EYA2: variants seen among roughly 807,000 people sequenced by gnomAD.
EYA2 encodes the protein protein phosphatase EYA2.
In EYA2, 31 loss-of-function variants were observed where a neutral mutation model predicts 69.2. The ratio of observed to expected loss-of-function variants is 0.45; its 90% CI spans 0.34 to 0.60. The LOEUF (loss-of-function observed/expected upper bound fraction) is 0.60, where lower values mean the gene tolerates loss of function less well. Among genes scored for constraint, EYA2 ranks in the 20% least tolerant of loss-of-function variants. EYA2 has a pLI of 0.02. For synonymous variants in EYA2, 257 were observed against 279.4 expected (o/e 0.92, Z 0.80); for missense variants, 622 against 701.2 (o/e 0.89, Z 1.28).
chr20:46,982,733 G>A (rs1229532271), intron 1 of EYA2, among the ~76,000 whole-genome samples: 1 of 147,472 alleles, frequency 6.8e-6, no homozygotes, highest in Non-Finnish European at 1.5e-5. Context: ...GATCTATTGA[G>A]TTCTTAATTT....
chr20:47,156,085 T>TAC (rs1320084095), intron 10 of EYA2, among the ~76,000 whole-genome samples: 9 of 28,774 alleles, frequency 3.1e-4, no homozygotes, highest in Non-Finnish European at 4.9e-4. Context: ...CACATATATA[T>TAC]ACATACACAC....
intron 1 of EYA2, among the ~76,000 whole-genome samples, chr20:46,988,765 G>A (rs562406359): frequency 6.6e-6 from 1 of 152,174 alleles, no homozygotes; most frequent in Non-Finnish European, 1.5e-5. Flanking sequence ...GCAGTGGCAC[G>A]ATTAGAGCTC....
chr20:47,071,874 G>A (rs886301792), intron 5 of EYA2: 18 of 327,572 alleles, frequency 5.5e-5, no homozygotes, highest in Middle Eastern at 8.7e-4. Context: ...CATGCCATCC[G>A]GACAGAGGAA....
At chr20:46,895,558 C>T (rs1307343387) in intron 1 of EYA2, among the ~76,000 whole-genome samples, 1 of 152,188 alleles carries the variant, frequency 6.6e-6, no homozygotes, top group East Asian at 1.9e-4. Flanking sequence ...GGGCTTTGAA[C>T]CGGGGCAGGG....
chr20:46,931,834 C>T (rs1384066260), intron 1 of EYA2, among the ~76,000 whole-genome samples: 1 of 152,064 alleles, frequency 6.6e-6, no homozygotes, highest in Non-Finnish European at 1.5e-5. Context: ...AGAGGAGAAG[C>T]CGTCCAAGCT....
Position 46,929,126 on chromosome 20 carries a change from T to C in EYA2, c.-11+34139T>C, listed in dbSNP as rs369543439. On this transcript the variant is annotated intron_variant, in intron 1 of 15. Coordinates refer to ENST00000327619, the MANE Select transcript of EYA2 (RefSeq NM_005244.5). ...GTGGGGTGGGAGAGCCCTGGAGACGTGCTTTGCCATCACAAATAAGTTGTG... is the reference window on the plus strand; with the variant it reads ...GTGGGGTGGGAGAGCCCTGGAGACGCGCTTTGCCATCACAAATAAGTTGTG... Among the ~76,000 whole-genome samples, 78 of 136,262 alleles carry C rather than the reference T, an allele frequency of 5.7e-4. No homozygotes were observed. In the South Asian group the frequency reaches 0.016, roughly 28 times the overall value. The allele number at this position is 136,262 out of a possible 152,430, so 89.4% of individuals were successfully genotyped here.
At chr20:47,167,396 C>T (rs2034223421) in intron 10 of EYA2, among the ~76,000 whole-genome samples, 1 of 150,548 alleles carries the variant, frequency 6.6e-6, no homozygotes, top group South Asian at 2.1e-4. Context: ...TATTCTCGTG[C>T]CTCAGCCTCC....
chr20:46,983,119 C>T (rs941918582), intron 1 of EYA2, among the ~76,000 whole-genome samples: 3 of 152,114 alleles, frequency 2.0e-5, no homozygotes, highest in Admixed American at 2.0e-4. Context: ...GCAGCATTCT[C>T]ATCTTAAATC....
chr20:47,103,980 T>C (rs1031433983), intron 9 of EYA2, among the ~76,000 whole-genome samples: 1 of 152,238 alleles, frequency 6.6e-6, no homozygotes, highest in Non-Finnish European at 1.5e-5. Context: ...CTGGGCCACA[T>C]GGTAACTCTA....
At chr20:47,150,704 GA>G (rs2033805973) in intron 10 of EYA2, among the ~76,000 whole-genome samples, 3 of 151,954 alleles carry the variant, frequency 2.0e-5, no homozygotes. Flanking sequence ...TAGTCTCAAG[GA>G]ATCCTCCTGC....
chr20:46,957,322 A>G (rs1979188847), intron 1 of EYA2, among the ~76,000 whole-genome samples: 1 of 152,172 alleles, frequency 6.6e-6, no homozygotes, highest in Non-Finnish European at 1.5e-5. Flanking sequence ...TTTCACTCTA[A>G]AAACTAGTCA....
At chr20:47,101,983 G>A (rs539973231) in intron 9 of EYA2, among the ~76,000 whole-genome samples, 4 of 152,344 alleles carry the variant, frequency 2.6e-5, no homozygotes, top group South Asian at 2.1e-4. Context: ...ATGACATTCA[G>A]TTTGAAGTAC....
At chr20:47,070,646 C>A (rs1273984673) in intron 5 of EYA2, among the ~76,000 whole-genome samples, 1 of 152,042 alleles carries the variant, frequency 6.6e-6, no homozygotes, top group Admixed American at 6.6e-5. Context: ...TACATCTATG[C>A]CATTGTGCAT....
chr20:47,118,708 G>C (rs2032969281), intron 9 of EYA2, among the ~76,000 whole-genome samples: 1 of 152,172 alleles, frequency 6.6e-6, no homozygotes, highest in Non-Finnish European at 1.5e-5. Context: ...TTGAAGCCCT[G>C]TGCTCTCGGC....
At chr20:47,161,350 C>A in intron 10 of EYA2, 2 of 463,554 alleles carry the variant, frequency 4.3e-6, no homozygotes, top group Non-Finnish European at 8.1e-6. Context: ...ACAATAAATC[C>A]CTTGAGCCTG....
chr20:47,078,022 C>T (rs183723743), intron 7 of EYA2, among the ~76,000 whole-genome samples: 31 of 152,318 alleles, frequency 2.0e-4, no homozygotes, highest in Non-Finnish European at 3.4e-4. Flanking sequence ...AAACGAAAAA[C>T]TTACCTCCCC....
intron 1 of EYA2, among the ~76,000 whole-genome samples, chr20:46,968,967 G>A (rs1345978032): frequency 6.6e-6 from 1 of 152,218 alleles, no homozygotes; most frequent in African/African-American, 2.4e-5. Context: ...CCAGTGTATG[G>A]AAAGCAGCTA....
rs557304814 is a variant in EYA2, at chr20:46,994,836, G to A, written c.109+4717G>A. On this transcript the variant is annotated intron_variant, in intron 2 of 15. Coordinates refer to ENST00000327619, the MANE Select transcript of EYA2 (RefSeq NM_005244.5). ...CCACTGATGGCAGTAGCTCACAAAT[G>A]TCATAGTCTCGAGCCACTTTCTGGC... 3.3e-5 allele frequency among the ~76,000 whole-genome samples: 5 copies of A among 151,862 alleles called. No individual in the cohort carries two copies. The South Asian group carries it at 6.3e-4, about 19-fold the overall frequency.
chr20:47,031,038 A>G (rs1984381249), intron 5 of EYA2, among the ~76,000 whole-genome samples: 1 of 152,182 alleles, frequency 6.6e-6, no homozygotes, highest in African/African-American at 2.4e-5. Flanking sequence ...CTTCAACATA[A>G]CGAATCTGGG....
Sources: gnomAD v4.1 joint callset for allele counts (sites outside exome capture counted in the v4.1 genomes callset) on GRCh38, gnomAD v4.1.1 for gene constraint, MANE v1.5 for transcripts, NCBI Gene and HGNC (gene_info 2026-07-23, HGNC 2026-07-21) for gene names.